The following WWOX variants were observed in gnomAD, a reference collection of about 807,000 sequenced individuals.
WWOX encodes the protein WW domain-containing oxidoreductase.
A neutral mutation model predicts 46.2 loss-of-function variants in WWOX; 69 were observed. That is an observed-to-expected ratio of 1.49 (90% CI 1.23 to 1.82). The LOEUF (loss-of-function observed/expected upper bound fraction) is 1.82, where lower values mean the gene tolerates loss of function less well. Among genes scored for constraint, WWOX ranks in the 40% most tolerant of loss-of-function variants. WWOX has a pLI of 0.00. For missense variants in WWOX, 919 were observed against 542.6 expected (o/e 1.69, Z -6.89); for synonymous variants, 359 against 202.6 (o/e 1.77, Z -6.56).
At chr16:79,023,004 G>A (rs1165055938) in intron 8 of WWOX, among the ~76,000 whole-genome samples, 4 of 151,946 alleles carry the variant, frequency 2.6e-5, no homozygotes, top group South Asian at 2.1e-4. Context: ...GTTTAGCGTG[G>A]TACTGTGTAT....
chr16:78,444,173 C>A (rs536183180), intron 8 of WWOX, among the ~76,000 whole-genome samples: 1 of 152,260 alleles, frequency 6.6e-6, no homozygotes, highest in African/African-American at 2.4e-5. Flanking sequence ...GCACATGTTC[C>A]CAGCTCCGTG....
intron 8 of WWOX, among the ~76,000 whole-genome samples, chr16:79,088,818 C>A (rs931899491): frequency 1.3e-5 from 2 of 152,172 alleles, no homozygotes; most frequent in African/African-American, 4.8e-5. Flanking sequence ...GTCCACCCAA[C>A]GGCAAAGTCC....
chr16:78,780,206 A>T (rs2050289475), intron 8 of WWOX, among the ~76,000 whole-genome samples: 1 of 152,056 alleles, frequency 6.6e-6, no homozygotes, highest in African/African-American at 2.4e-5. Flanking sequence ...TCTCCTTCCA[A>T]GAAAAAACAC....
intron 8 of WWOX, among the ~76,000 whole-genome samples, chr16:78,753,801 C>CAAA (rs869066028): frequency 3.8e-4 from 11 of 29,132 alleles, no homozygotes; most frequent in African/African-American, 1.1e-3. Context: ...GACCCTATAT[C>CAAA]AAAAAAAAAA....
intron 5 of WWOX, among the ~76,000 whole-genome samples, chr16:78,195,243 CA>C (rs1322451609): frequency 6.6e-6 from 1 of 152,148 alleles, no homozygotes; most frequent in Non-Finnish European, 1.5e-5. Flanking sequence ...AAGCTTTTCC[CA>C]GTGCTGGCAG....
At chr16:78,255,373 C>T (rs1830846454) in intron 5 of WWOX, among the ~76,000 whole-genome samples, 1 of 152,140 alleles carries the variant, frequency 6.6e-6, no homozygotes, top group African/African-American at 2.4e-5. Flanking sequence ...ACTTGGAAGA[C>T]ACTAAGAAAC....
At chr16:78,914,325 C>G (rs1462998097) in intron 8 of WWOX, among the ~76,000 whole-genome samples, 1 of 152,060 alleles carries the variant, frequency 6.6e-6, no homozygotes, top group Non-Finnish European at 1.5e-5. Flanking sequence ...GTCCTGTCCA[C>G]TCATGTCTTC....
intron 8 of WWOX, among the ~76,000 whole-genome samples, chr16:78,706,065 T>TG (rs1408278078): frequency 6.7e-6 from 1 of 150,180 alleles, no homozygotes; most frequent in Non-Finnish European, 1.5e-5. Flanking sequence ...CAGGTTTTTT[T>TG]TTTTTTTTTT....
chr16:79,002,066 A>C (rs1270662075), intron 8 of WWOX, among the ~76,000 whole-genome samples: 1 of 152,146 alleles, frequency 6.6e-6, no homozygotes, highest in African/African-American at 2.4e-5. Context: ...AATTACACTA[A>C]TAATAATCTG....
chr16:78,436,581 A>AT (rs2083340680), intron 8 of WWOX, among the ~76,000 whole-genome samples: 3 of 152,212 alleles, frequency 2.0e-5, no homozygotes, highest in Non-Finnish European at 4.4e-5. Context: ...TCTCTATATT[A>AT]GGTTGATACA....
intron 8 of WWOX, among the ~76,000 whole-genome samples, chr16:79,083,760 G>A (rs149883506): frequency 1.3e-5 from 2 of 152,208 alleles, no homozygotes; most frequent in African/African-American, 4.8e-5. Context: ...AAAGGGAGCC[G>A]TGTGGAGCTC....
At chr16:78,889,567 A>G (rs2044543435) in intron 8 of WWOX, among the ~76,000 whole-genome samples, 1 of 152,150 alleles carries the variant, frequency 6.6e-6, no homozygotes, top group African/African-American at 2.4e-5. Flanking sequence ...ACTGGTCTCC[A>G]CTAGGAGAAA....
In WWOX at chr16:78,432,637, G is replaced by C. The variant is rs73572838; in HGVS notation, c.941G>C (p.Arg314Pro). The part of the protein sequence containing the change: ...SNELHRRLSP[R>P]GVTSNAVHPG... ...GAGCTGCACCGTCGCCTCTCCCCACGCGGGGTCACGTCGAACGCAGTGCAT... is the reference window on the plus strand; with the variant it reads ...GAGCTGCACCGTCGCCTCTCCCCACCCGGGGTCACGTCGAACGCAGTGCAT... Residue 314 changes from arginine to proline, a missense_variant, in exon 8 of 9, where the codon CGC becomes CCC. Physicochemically the swap from Arg to Pro is moderately radical, Grantham distance 103. Coordinates refer to ENST00000566780, the MANE Select transcript of WWOX (RefSeq NM_016373.4). The C allele has an allele frequency of 3.7e-6, 6 of 1,614,000 alleles. No homozygotes were observed. In the African/African-American group the frequency reaches 6.7e-5, roughly 18 times the overall value.
intron 8 of WWOX, among the ~76,000 whole-genome samples, chr16:78,474,321 A>C (rs1203291490): frequency 6.6e-6 from 1 of 152,192 alleles, no homozygotes; most frequent in East Asian, 1.9e-4. Context: ...TTTTGATTTC[A>C]GCACCTTTCT....
intron 8 of WWOX, among the ~76,000 whole-genome samples, chr16:78,970,732 G>C (rs1376826865): frequency 7.9e-5 from 12 of 152,116 alleles, no homozygotes; most frequent in Non-Finnish European, 1.5e-4. Flanking sequence ...TCACAGAACA[G>C]TGTGTACCTC....
chr16:78,727,271 C>T (rs975348203), intron 8 of WWOX, among the ~76,000 whole-genome samples: 2 of 152,142 alleles, frequency 1.3e-5, no homozygotes, highest in Admixed American at 6.5e-5. Context: ...TGGTGACAAA[C>T]GCATGTAATC....
intron 4 of WWOX, among the ~76,000 whole-genome samples, chr16:78,150,241 C>G (rs2034353189): frequency 6.6e-6 from 1 of 152,192 alleles, no homozygotes. Context: ...ACAAAGAGTA[C>G]AGATGAAGCG....
intron 8 of WWOX, among the ~76,000 whole-genome samples, chr16:78,606,836 C>T (rs1387706242): frequency 6.6e-6 from 1 of 150,720 alleles, no homozygotes; most frequent in Non-Finnish European, 1.5e-5. Flanking sequence ...AGTGAATTAG[C>T]CTGTGTTGAA....
At chr16:79,126,389 T>C (rs2049755097) in intron 8 of WWOX, among the ~76,000 whole-genome samples, 1 of 151,992 alleles carries the variant, frequency 6.6e-6, no homozygotes, top group Non-Finnish European at 1.5e-5. Flanking sequence ...AGGGACCAGG[T>C]GGAGGTAATT....
Sources: allele counts gnomAD v4.1 joint callset (sites outside exome capture counted in the v4.1 genomes callset), GRCh38; gene constraint gnomAD v4.1.1; transcripts MANE v1.5; gene names NCBI Gene and HGNC (gene_info 2026-07-23, HGNC 2026-07-21).